The following CLSTN2 variants were observed in gnomAD, a reference collection of about 807,000 sequenced individuals.
The protein encoded by CLSTN2 is calsyntenin-2.
In CLSTN2, 48 loss-of-function variants were observed where a neutral mutation model predicts 101.2. That is an observed-to-expected ratio of 0.47 (90% CI 0.38 to 0.60). The LOEUF (loss-of-function observed/expected upper bound fraction) is 0.60, where lower values mean the gene tolerates loss of function less well. CLSTN2 is among the 20% of genes least tolerant of loss of function. CLSTN2 has a pLI of 0.00. For synonymous variants in CLSTN2, 481 were observed against 463.6 expected, an observed-to-expected ratio of 1.04 and a Z score of -0.48; for missense variants, 1,160 against 1,238.2, an observed-to-expected ratio of 0.94 and a Z score of 0.95.
At chr3:139,985,011 A>G (rs1935998560) in intron 1 of CLSTN2, among the ~76,000 whole-genome samples, 1 of 152,028 alleles carries the variant, frequency 6.6e-6, no homozygotes, top group African/African-American at 2.4e-5. Flanking sequence ...TCATCTCCAA[A>G]ATGTGTTTCA....
intron 1 of CLSTN2, among the ~76,000 whole-genome samples, chr3:140,084,767 A>T (rs2008653193): frequency 6.6e-6 from 1 of 152,192 alleles, no homozygotes; most frequent in African/African-American, 2.4e-5. Flanking sequence ...GCCCCAGCAG[A>T]TACTTGAATC....
chr3:139,954,414 C>A (rs1692755962), intron 1 of CLSTN2, among the ~76,000 whole-genome samples: 2 of 152,164 alleles, frequency 1.3e-5, no homozygotes, highest in South Asian at 4.1e-4. Flanking sequence ...GTGCTGTGTT[C>A]TGCAGCTGAG....
At chr3:140,478,667 A>C (rs887579942) in intron 8 of CLSTN2, among the ~76,000 whole-genome samples, 1 of 152,194 alleles carries the variant, frequency 6.6e-6, no homozygotes, top group African/African-American at 2.4e-5. Flanking sequence ...ATGGTTGCAC[A>C]ACTATATAAA....
chr3:140,234,540 GTGTT>G (rs1331831071), intron 2 of CLSTN2, among the ~76,000 whole-genome samples: 1 of 152,182 alleles, frequency 6.6e-6, no homozygotes, highest in Non-Finnish European at 1.5e-5. Flanking sequence ...TCTTATCACA[GTGTT>G]TGGTTTATTT....
Position 140,242,631 on chromosome 3 carries a change from C to T in CLSTN2, c.232+66558C>T, listed in dbSNP as rs898339453. On this transcript the variant is annotated intron_variant, in intron 2 of 16. Transcript: ENST00000458420. ...TTTATGGACCTCAAGAGTTTTGACA[C>T]TCAGCCATCACCTTCTCCTGCGGGC... Among the ~76,000 whole-genome samples, 5 of 152,300 alleles carry T rather than the reference C, an allele frequency of 3.3e-5. No homozygotes were observed. In the East Asian group the frequency reaches 7.7e-4, roughly 24 times the overall value.
intron 2 of CLSTN2, among the ~76,000 whole-genome samples, chr3:140,374,502 C>G (rs1195275674): frequency 1.3e-5 from 2 of 152,062 alleles, no homozygotes; most frequent in African/African-American, 4.8e-5. Context: ...ATTGTTAAAC[C>G]TCTACTGAAG....
intron 1 of CLSTN2, among the ~76,000 whole-genome samples, chr3:139,940,238 G>A (rs1476225076): frequency 6.6e-6 from 1 of 152,154 alleles, no homozygotes; most frequent in Non-Finnish European, 1.5e-5. Context: ...GTCATTTCTT[G>A]ACATAGACAA....
At chr3:140,144,103 A>G (rs1416231946) in intron 1 of CLSTN2, among the ~76,000 whole-genome samples, 1 of 152,240 alleles carries the variant, frequency 6.6e-6, no homozygotes, top group Admixed American at 6.5e-5. Context: ...AAAAGCATCA[A>G]ACTCAGTCAA....
intron 1 of CLSTN2, among the ~76,000 whole-genome samples, chr3:140,052,014 G>A (rs2008006264): frequency 6.6e-6 from 1 of 152,198 alleles, no homozygotes; most frequent in African/African-American, 2.4e-5. Flanking sequence ...TAGTGAAAGC[G>A]AAGACTCAGA....
At chr3:140,343,840 T>C (rs763553130) in intron 2 of CLSTN2, among the ~76,000 whole-genome samples, 2 of 152,240 alleles carry the variant, frequency 1.3e-5, no homozygotes, top group Non-Finnish European at 2.9e-5. Flanking sequence ...GTAGTCTTTG[T>C]TGCTGATGTA....
At chr3:140,377,161 T>C (rs924466735) in intron 2 of CLSTN2, among the ~76,000 whole-genome samples, 1 of 152,194 alleles carries the variant, frequency 6.6e-6, no homozygotes, top group Non-Finnish European at 1.5e-5. Context: ...GCTGATGTCA[T>C]AGCCATTGTA....
intron 2 of CLSTN2, among the ~76,000 whole-genome samples, chr3:140,257,135 G>A (rs1355166171): frequency 6.6e-6 from 1 of 152,158 alleles, no homozygotes; most frequent in African/African-American, 2.4e-5. Context: ...GGATATTAAG[G>A]ATCACCTTCA....
intron 1 of CLSTN2, among the ~76,000 whole-genome samples, chr3:140,126,467 C>A (rs2009431965): frequency 6.6e-6 from 1 of 151,708 alleles, no homozygotes; most frequent in South Asian, 2.1e-4. Context: ...CATACTTGTG[C>A]AAAAAAAGCC....
chr3:140,292,310 C>T (rs780806057), intron 2 of CLSTN2, among the ~76,000 whole-genome samples: 2 of 152,188 alleles, frequency 1.3e-5, no homozygotes, highest in Non-Finnish European at 2.9e-5. Flanking sequence ...TTTCCTGTTA[C>T]GAATATCCTG....
chr3:139,975,199 G>A (rs941454979), intron 1 of CLSTN2, among the ~76,000 whole-genome samples: 3 of 152,168 alleles, frequency 2.0e-5, no homozygotes, highest in African/African-American at 7.2e-5. Flanking sequence ...TAAGGAGGGG[G>A]AGTAGCAGGC....
intron 1 of CLSTN2, among the ~76,000 whole-genome samples, chr3:140,135,538 C>T (rs1337135928): frequency 6.6e-6 from 1 of 152,122 alleles, no homozygotes; most frequent in African/African-American, 2.4e-5. Flanking sequence ...AACTAAACTT[C>T]TAGGAATGTC....
Position 140,154,641 on chromosome 3 carries a change from C to CTTTT in CLSTN2, c.110-21292_110-21289dup, listed in dbSNP as rs35699283. ...AGAGAGAGAGAGGGGAAGTATCACC[C>CTTTT]TTTTTTTTTTTTTTTTTTTTTGAGA... On this transcript the variant is annotated intron_variant, in intron 1 of 16. Transcript: ENST00000458420. Among the ~76,000 whole-genome samples the CTTTT allele has an allele frequency of 3.2e-3, 299 of 92,830 alleles. 11 individuals are homozygous for CTTTT. Among genetic ancestry groups the CTTTT allele is most frequent in the African/African-American group, 0.011 (273 of 24,414 alleles). 60.9% of individuals were successfully genotyped at this position (92,830 alleles called of 152,430 possible). A position where few individuals can be genotyped will look rare whatever the true frequency, so the allele number is the denominator to read the frequency against.
At chr3:140,370,879 C>T (rs899623) in intron 2 of CLSTN2, among the ~76,000 whole-genome samples, 141,510 of 151,608 alleles carry the variant, frequency 0.93, 66,760 homozygotes, top group Non-Finnish European at 1. Flanking sequence ...ACCCTAGCAC[C>T]GGCCCCACCC....
intron 8 of CLSTN2, among the ~76,000 whole-genome samples, chr3:140,472,611 C>T (rs532572211): frequency 1.3e-5 from 2 of 152,312 alleles, no homozygotes; most frequent in South Asian, 4.1e-4. Context: ...CCACTCTGCT[C>T]GGCATCCCTG....
Sources: gnomAD v4.1 joint callset for allele counts (sites outside exome capture counted in the v4.1 genomes callset) on GRCh38, gnomAD v4.1.1 for gene constraint, MANE v1.5 for transcripts, NCBI Gene and HGNC (gene_info 2026-07-23, HGNC 2026-07-21) for gene names.